The following ROBO1 variants were observed in gnomAD, a reference collection of about 807,000 sequenced individuals.
ROBO1 encodes roundabout homolog 1.
A neutral mutation model predicts 195.9 loss-of-function variants in ROBO1; 149 were observed. The ratio of observed to expected loss-of-function variants is 0.76; its 90% confidence interval spans 0.67 to 0.87. The LOEUF is 0.87. Ranked by LOEUF, ROBO1 falls within the 40% of genes least tolerant of loss-of-function variation. The probability of loss-of-function intolerance (pLI) is 0.00; values close to 1 mark genes in which losing one functional copy is unlikely to be tolerated. For synonymous variants in ROBO1, 816 were observed against 733.2 expected (o/e 1.11, Z -1.82); for missense variants, 1,933 against 2,068.3 (o/e 0.93, Z 1.27).
In ROBO1 at chr3:79,017,450, AGTGTGTGT is replaced by A. The variant is rs60522056; in HGVS notation, c.173-78531_173-78524del. ...TGTGACTATAAAAATTCCGAGGTGC[AGTGTGTGT>A]GTGTGTGTGTGTGTGTGTGTGTGTG... is the stretch of plus-strand genomic sequence containing the variant. On this transcript the variant is annotated intron_variant, in intron 3 of 30. Transcript: ENST00000464233. Among the ~76,000 whole-genome samples the A allele has an allele frequency of 8.0e-4, 107 of 133,510 alleles. 1 individual carries two copies. Among genetic ancestry groups the A allele is most frequent in the East Asian group, 4.9e-3 (22 of 4,470 alleles). 87.6% of individuals were successfully genotyped at this position (133,510 alleles called of 152,430 possible).
intron 3 of ROBO1, among the ~76,000 whole-genome samples, chr3:79,017,435 A>T (rs1310046639): frequency 1.3e-5 from 2 of 149,234 alleles, no homozygotes; most frequent in African/African-American, 5.0e-5. Flanking sequence ...TGTGACTATA[A>T]AAATTCCGAG....
rs1346976977 is a variant in ROBO1, at chr3:78,688,693, G to A, written c.1125C>T (p.Thr375=). 1.2e-5 allele frequency: 20 copies of A among 1,606,896 alleles called. No homozygotes were observed. Among genetic ancestry groups the A allele is most frequent in the Non-Finnish European group, 1.5e-5 (18 of 1,176,414 alleles). Residue 375 remains threonine, a synonymous_variant, in exon 9 of 31, where the codon ACC becomes ACT. Coordinates refer to ENST00000464233, the MANE Select transcript of ROBO1 (RefSeq NM_002941.4). ...AGAAAATAGCTGGTTGAGGATTTCC[G>A]GTTGCTTCACACTGAAAAGTTACAG... ...GRTVTFQCEA[T]GNPQPAIFWR...
chr3:79,116,573 G>A (rs149064598), intron 3 of ROBO1, among the ~76,000 whole-genome samples: 1,641 of 148,076 alleles, frequency 0.011, 13 homozygotes, highest in Non-Finnish European at 0.018. Context: ...AGGCTGGAAG[G>A]CAGTGGTGCA....
intron 22 of ROBO1, among the ~76,000 whole-genome samples, chr3:78,639,238 C>G (rs141618840): frequency 6.6e-6 from 1 of 152,046 alleles, no homozygotes; most frequent in Admixed American, 6.6e-5. Flanking sequence ...GAATGGATCA[C>G]GTGAGGCCAG....
At chr3:79,251,444 A>T (rs1035612193) in intron 2 of ROBO1, among the ~76,000 whole-genome samples, 12 of 152,074 alleles carry the variant, frequency 7.9e-5, no homozygotes, top group Non-Finnish European at 1.5e-4. Context: ...GGGTAATAAC[A>T]TGTTGCATTA....
At chr3:79,715,957 A>T (rs1476079685) in intron 1 of ROBO1, among the ~76,000 whole-genome samples, 1 of 152,090 alleles carries the variant, frequency 6.6e-6, no homozygotes. Flanking sequence ...TAGGAATCTT[A>T]ATGTGACTCT....
At chr3:79,618,906 G>GA (rs1465128661) in intron 1 of ROBO1, among the ~76,000 whole-genome samples, 1 of 152,122 alleles carries the variant, frequency 6.6e-6, no homozygotes. Context: ...CTCTGGAAGA[G>GA]AAAAAGGAGA....
At chr3:78,824,874 T>C (rs2031433584) in intron 4 of ROBO1, among the ~76,000 whole-genome samples, 1 of 152,170 alleles carries the variant, frequency 6.6e-6, no homozygotes, top group South Asian at 2.1e-4. Context: ...TAACCTGCCA[T>C]TTTCTCTCCT....
At chr3:78,747,993 A>G (rs2108289514) in intron 4 of ROBO1, among the ~76,000 whole-genome samples, 1 of 152,282 alleles carries the variant, frequency 6.6e-6, no homozygotes, top group African/African-American at 2.4e-5. Context: ...CTTCAGTACA[A>G]AGTCCAATAG....
chr3:79,070,088 A>G (rs1164637136), intron 3 of ROBO1, among the ~76,000 whole-genome samples: 1 of 151,574 alleles, frequency 6.6e-6, no homozygotes, highest in Non-Finnish European at 1.5e-5. Context: ...AAAGATGTAT[A>G]TCTGATTTAA....
intron 1 of ROBO1, among the ~76,000 whole-genome samples, chr3:79,753,554 G>A (rs111948108): frequency 1.3e-5 from 2 of 152,324 alleles, no homozygotes; most frequent in African/African-American, 4.8e-5. Flanking sequence ...TGAGCAAGCA[G>A]TAAGTGTTCT....
At chr3:79,488,400 G>C (rs1939272979) in intron 2 of ROBO1, among the ~76,000 whole-genome samples, 1 of 152,054 alleles carries the variant, frequency 6.6e-6, no homozygotes, top group Non-Finnish European at 1.5e-5. Flanking sequence ...TATTGCTCAG[G>C]CTAACTTTGG....
At chr3:78,710,303 A>T (rs1036904480) in intron 8 of ROBO1, among the ~76,000 whole-genome samples, 1 of 152,152 alleles carries the variant, frequency 6.6e-6, no homozygotes, top group African/African-American at 2.4e-5. Context: ...TCCTGCCTCA[A>T]CCTTCCAATA....
At chr3:78,814,607 A>G (rs1052965327) in intron 4 of ROBO1, among the ~76,000 whole-genome samples, 6 of 152,144 alleles carry the variant, frequency 3.9e-5, no homozygotes, top group Non-Finnish European at 8.8e-5. Flanking sequence ...AGATAAAAGT[A>G]AATTGCAGGC....
chr3:78,688,524 A>C, intron 9 of ROBO1, 124 bp downstream of exon 9: 1 of 1,018,512 alleles, frequency 9.8e-7, no homozygotes, highest in Non-Finnish European at 1.3e-6. Context: ...CTGGGCACTC[A>C]GAGATTTGCC....
intron 3 of ROBO1, among the ~76,000 whole-genome samples, chr3:79,104,992 T>C (rs942249401): frequency 6.6e-6 from 1 of 151,548 alleles, no homozygotes; most frequent in Non-Finnish European, 1.5e-5. Flanking sequence ...CTTACATGAA[T>C]GCAAATTTAA....
At chr3:79,690,911 G>A (rs1221858857) in intron 1 of ROBO1, among the ~76,000 whole-genome samples, 1 of 151,870 alleles carries the variant, frequency 6.6e-6, no homozygotes, top group Admixed American at 6.6e-5. Flanking sequence ...GCATTGGGTA[G>A]TAACTCTTAA....
chr3:79,033,057 C>T (rs1418741120), intron 3 of ROBO1, among the ~76,000 whole-genome samples: 4 of 151,972 alleles, frequency 2.6e-5, no homozygotes, highest in Admixed American at 6.6e-5. Flanking sequence ...AAAATATTCT[C>T]ACAAATTTCA....
intron 2 of ROBO1, among the ~76,000 whole-genome samples, chr3:79,572,173 T>C (rs986243044): frequency 6.6e-6 from 1 of 151,864 alleles, no homozygotes. Context: ...AAAAGAAAAA[T>C]TTATTTACAA....
Sources: gnomAD v4.1 joint callset for allele counts (sites outside exome capture counted in the v4.1 genomes callset) on GRCh38, gnomAD v4.1.1 for gene constraint, MANE v1.5 for transcripts, NCBI Gene and HGNC (gene_info 2026-07-23, HGNC 2026-07-21) for gene names.